The following RELN variants were observed in gnomAD, a reference collection of about 807,000 sequenced individuals.
The protein encoded by RELN is reelin.
RELN carries 108 observed loss-of-function variants against 427.6 expected under a neutral mutation model. The observed-to-expected ratio is 0.25, with a 90% CI of 0.22 to 0.30. The LOEUF is 0.30. Ranked by LOEUF, RELN falls within the 10% of genes least tolerant of loss-of-function variation. RELN has a pLI of 1.00. For missense variants in RELN, 3,715 were observed against 4,302.8 expected, an observed-to-expected ratio of 0.86 and a Z score of 3.82; for synonymous variants, 1,524 against 1,513.4, an observed-to-expected ratio of 1.01 and a Z score of -0.16.
At chr7:103,865,752 T>C (rs1794183116) in intron 2 of RELN, among the ~76,000 whole-genome samples, 1 of 152,106 alleles carries the variant, frequency 6.6e-6, no homozygotes, top group African/African-American at 2.4e-5. Context: ...TTTACCTCAA[T>C]ACAATAAAGG....
At chr7:103,762,113 T>A (rs1791316714) in intron 4 of RELN, among the ~76,000 whole-genome samples, 2 of 152,108 alleles carry the variant, frequency 1.3e-5, no homozygotes, top group South Asian at 4.2e-4. Flanking sequence ...GTTCTGCCCA[T>A]ATGAGGTGAG....
intron 57 of RELN, among the ~76,000 whole-genome samples, chr7:103,493,081 G>T (rs1828721625): frequency 6.6e-6 from 1 of 152,182 alleles, no homozygotes; most frequent in African/African-American, 2.4e-5. Context: ...TCTGTGGAAT[G>T]ATGTGCTGCT....
chr7:103,604,041 T>A (rs559901604), intron 23 of RELN, among the ~76,000 whole-genome samples: 1 of 152,286 alleles, frequency 6.6e-6, no homozygotes, highest in Admixed American at 6.5e-5. Flanking sequence ...TGACTAGTGC[T>A]CTAAGATTCT....
rs745955015 is a variant in RELN at position 103,708,464 on chromosome 7, C to CTTTTTTTTTTTTTTTTTTTTTTT, written c.806-7459_806-7458insAAAAAAAAAAAAAAAAAAAAAAA. ...CACCCAAACACCAGTGGGTATGACT[C>CTTTTTTTTTTTTTTTTTTTTTTT]TTTTTTTTTTTTTTTTTGAGACGGA... On this transcript the variant is annotated intron_variant, in intron 8 of 64. Coordinates refer to ENST00000428762, the MANE Select transcript of RELN (RefSeq NM_005045.4). Among the ~76,000 whole-genome samples the CTTTTTTTTTTTTTTTTTTTTTTT allele has an allele frequency of 1.3e-4, 14 of 110,040 alleles. 3 individuals are homozygous for CTTTTTTTTTTTTTTTTTTTTTTT. The highest frequency in any genetic ancestry group is 5.3e-4 in the African/African-American group (12 of 22,602). The allele number at this position is 110,040 out of a possible 152,430, so 72.2% of individuals were successfully genotyped here.
rs762366813 is a variant in RELN at position 103,522,076 on chromosome 7, T to C, written c.7614A>G (p.Lys2538=). 8.7e-6 allele frequency: 14 copies of C among 1,613,952 alleles called. No homozygotes were observed. The highest frequency in any genetic ancestry group is 1.2e-5 in the Non-Finnish European group (14 of 1,180,022). The part of the protein sequence containing the change: ...SQNWLTVNGG[K]LSTVCGAVAS... ...CCACGGCTCCACACACTGTACTCAA[T>C]TTCCCTCCGTTCACAGTCAGCCAGT... Residue 2538 remains lysine (K), a synonymous_variant, in exon 48 of 65, where the codon AAA becomes AAG. Transcript: ENST00000428762.
chr7:103,828,385 A>G (rs912069020), intron 3 of RELN, among the ~76,000 whole-genome samples: 12 of 93,386 alleles, frequency 1.3e-4, no homozygotes, highest in Non-Finnish European at 1.9e-4. Flanking sequence ...ATGTTCAAAT[A>G]TGATCCTCCT....
chr7:103,679,262 T>C (rs554492448), intron 11 of RELN, among the ~76,000 whole-genome samples: 113 of 152,320 alleles, frequency 7.4e-4, no homozygotes, highest in African/African-American at 2.6e-3. Context: ...TTTTATACTG[T>C]ATAACATAAT....
chr7:103,807,684 G>A (rs12112270), intron 3 of RELN, among the ~76,000 whole-genome samples: 2,578 of 152,118 alleles, frequency 0.017, 71 homozygotes, highest in African/African-American at 0.059. Flanking sequence ...TCAGTATTTA[G>A]CTCCCACTTG....
At chr7:103,655,812 G>A (rs1405397199) in intron 12 of RELN, among the ~76,000 whole-genome samples, 2 of 152,186 alleles carry the variant, frequency 1.3e-5, no homozygotes, top group African/African-American at 4.8e-5. Flanking sequence ...GTCCCACAGT[G>A]GAACAGGATG....
chr7:103,786,531 A>G (rs918869114), intron 3 of RELN, among the ~76,000 whole-genome samples: 8 of 151,426 alleles, frequency 5.3e-5, no homozygotes, highest in African/African-American at 1.7e-4. Context: ...AAAAAAAAAA[A>G]AAAAAGCAAG....
chr7:103,512,836 C>T (rs958076925), intron 50 of RELN: 4 of 152,182 alleles, frequency 2.6e-5, no homozygotes, highest in African/African-American at 7.2e-5. Context: ...CAGGTGCAGC[C>T]GGAGGCTTGG....
intron 1 of RELN, among the ~76,000 whole-genome samples, chr7:103,935,660 C>A (rs1584381810): frequency 6.6e-6 from 1 of 152,128 alleles, no homozygotes; most frequent in Non-Finnish European, 1.5e-5. Context: ...TAAGACTAGA[C>A]CCGTATTTGA....
intron 10 of RELN, among the ~76,000 whole-genome samples, chr7:103,687,932 T>G (rs1833796459): frequency 6.6e-6 from 1 of 152,140 alleles, no homozygotes; most frequent in African/African-American, 2.4e-5. Context: ...CCACATTAAT[T>G]ACTGTACAAA....
At chr7:103,769,753 T>C (rs543519404) in intron 4 of RELN, among the ~76,000 whole-genome samples, 102 of 152,288 alleles carry the variant, frequency 6.7e-4, no homozygotes, top group African/African-American at 2.3e-3. Context: ...GAACATCAAC[T>C]TCAGACAAGG....
intron 1 of RELN, among the ~76,000 whole-genome samples, chr7:103,942,401 G>A (rs989047766): frequency 1.3e-5 from 2 of 151,976 alleles, no homozygotes; most frequent in Admixed American, 6.6e-5. Flanking sequence ...TTTGTCTTTC[G>A]GTGTCTGGCT....
rs776781331 is a variant in RELN at position 103,535,477 on chromosome 7, T to C, written c.7188A>G (p.Glu2396=). The stretch of plus-strand genomic sequence containing the variant: ...ATCCAAGATCTACTGAGTATTCCAA[T>C]TCAATCGCTGAAACAGGAAACATTA... ...CSVTDSCYAI[E]LEYSVDLGLS... is the part of the protein sequence containing the mutation. Residue 2396 remains glutamate (E), a synonymous_variant, in exon 46 of 65, where the codon GAA becomes GAG. Transcript: ENST00000428762. 6.2e-7 allele frequency: 1 copy of C among 1,613,916 alleles called. No homozygotes were observed. The highest frequency in any genetic ancestry group is 1.1e-5 in the South Asian group (1 of 91,074).
At chr7:103,820,553 T>TAAAA (rs11407230) in intron 3 of RELN, among the ~76,000 whole-genome samples, 1 of 148,622 alleles carries the variant, frequency 6.7e-6, no homozygotes, top group African/African-American at 2.5e-5. Context: ...CACTCATTCT[T>TAAAA]AAAAAAAAAA....
intron 20 of RELN, among the ~76,000 whole-genome samples, chr7:103,613,961 T>C (rs1253871696): frequency 6.6e-6 from 1 of 152,206 alleles, no homozygotes; most frequent in Non-Finnish European, 1.5e-5. Flanking sequence ...CTGTGTTTTA[T>C]AAATATTGCC....
chr7:103,940,368 T>C (rs754713712), intron 1 of RELN, among the ~76,000 whole-genome samples: 1 of 152,250 alleles, frequency 6.6e-6, no homozygotes, highest in African/African-American at 2.4e-5. Flanking sequence ...TTATGAATAA[T>C]TGAATACATA....
Sources: allele counts gnomAD v4.1 joint callset (sites outside exome capture counted in the v4.1 genomes callset), GRCh38; gene constraint gnomAD v4.1.1; transcripts MANE v1.5; gene names NCBI Gene and HGNC (gene_info 2026-07-23, HGNC 2026-07-21).